Variants in AGPAT4 observed in about 807,000 individuals in gnomAD.
The protein encoded by AGPAT4 is 1-acyl-sn-glycerol-3-phosphate acyltransferase delta.
In AGPAT4, 15 loss-of-function variants were observed where a neutral mutation model predicts 48.0. The observed-to-expected ratio is 0.31, with a 90% CI of 0.21 to 0.48. AGPAT4 has a LOEUF of 0.48. Among genes scored for constraint, AGPAT4 ranks in the 20% least tolerant of loss-of-function variants. AGPAT4 has a pLI of 0.99. For missense variants in AGPAT4, 314 were observed against 482.5 expected (o/e 0.65, Z 3.27); for synonymous variants, 178 against 198.7 (o/e 0.90, Z 0.88).
chr6:161,144,286 G>A lies in AGPAT4; in HGVS notation c.843+2238C>T, dbSNP rs1779347551. ...CCAGCCCTGCACGGAGAGAGAAAGG[G>A]CCTGGACTCCAGCACCTGGCTTTGA... On this transcript the variant is annotated intron_variant, in intron 7 of 8. Coordinates refer to ENST00000320285, the MANE Select transcript of AGPAT4 (RefSeq NM_020133.3). The surrounding 1 kb of genome is among the most constrained non-coding windows in gnomAD (Gnocchi z 6.6). 8.5e-6 allele frequency: 4 copies of A among 469,080 alleles called. No individual in the cohort carries two copies. The highest frequency in any genetic ancestry group is 4.7e-5 in the South Asian group (3 of 63,328). The allele number at this position is 469,080 out of a possible 1,614,324, so 29.1% of individuals were successfully genotyped here.
In AGPAT4 at chr6:161,249,853, T is replaced by A. The variant is rs775604437; in HGVS notation, c.-89-17551A>T. On this transcript the variant is annotated intron_variant, in intron 1 of 8. Transcript: ENST00000320285. The surrounding 1 kb of genome is among the most constrained non-coding windows in gnomAD (Gnocchi z 6.2). ...TAAATCGTTCTATCATAAAGACACA[T>A]GCACGCTTATGTTCATTGCAGTACT... Among the ~76,000 whole-genome samples, 1 of 152,210 alleles carries A rather than the reference T, an allele frequency of 6.6e-6. No homozygotes were observed.
rs930617323 is a variant in AGPAT4 at position 161,214,563 on chromosome 6, C to T, written c.178+17473G>A. Among the ~76,000 whole-genome samples the T allele has an allele frequency of 3.3e-5, 5 of 152,004 alleles. No individual in the cohort carries two copies. Among genetic ancestry groups the T allele is most frequent in the Non-Finnish European group, 5.9e-5 (4 of 68,008 alleles). ...GGCGGATCAATTGAAGTCAGGAGTT[C>T]GAGACCAGCCTAGCCAACATGGTGA... is the stretch of plus-strand genomic sequence containing the variant. On this transcript the variant is annotated intron_variant, in intron 2 of 8. Coordinates refer to ENST00000320285, the MANE Select transcript of AGPAT4 (RefSeq NM_020133.3). The surrounding 1 kb of genome is among the most constrained non-coding windows in gnomAD (Gnocchi z 5.4).
Position 161,226,394 on chromosome 6 carries a change from G to A in AGPAT4, c.178+5642C>T, listed in dbSNP as rs1022241076. On this transcript the variant is annotated intron_variant, in intron 2 of 8. Coordinates refer to ENST00000320285, the MANE Select transcript of AGPAT4 (RefSeq NM_020133.3). The surrounding 1 kb of genome is among the most constrained non-coding windows in gnomAD (Gnocchi z 6.3). ...AGGGAGGAGAAGCATAGAGGAAGCC[G>A]GCTGCAGAGTTAGCAGAACAAACTG... Among the ~76,000 whole-genome samples the A allele has an allele frequency of 2.0e-5, 3 of 152,216 alleles. No individual in the cohort carries two copies. Among genetic ancestry groups the A allele is most frequent in the Admixed American group, 6.5e-5 (1 of 15,282 alleles).
At chr6:161,211,830 A>T (rs1281743488) in intron 2 of AGPAT4, among the ~76,000 whole-genome samples, 1 of 152,162 alleles carries the variant, frequency 6.6e-6, no homozygotes, top group African/African-American at 2.4e-5. Context: ...TAAATTTTAA[A>T]CACTGACAGC....
intron 1 of AGPAT4, among the ~76,000 whole-genome samples, chr6:161,256,721 A>T (rs970428919): frequency 6.6e-6 from 1 of 152,258 alleles, no homozygotes; most frequent in Non-Finnish European, 1.5e-5. Context: ...TCCCGAAAGA[A>T]ATCTGGTGGA....
In AGPAT4 at chr6:161,248,594, A is replaced by AAAAC. The variant is rs59741511; in HGVS notation, c.-89-16293_-89-16292insGTTT. On this transcript the variant is annotated intron_variant, in intron 1 of 8. Coordinates refer to ENST00000320285, the MANE Select transcript of AGPAT4 (RefSeq NM_020133.3). ...CTCAAAAAAAAAAAAAAAAAAAAAA[A>AAAAC]CTAGGAATACAGCTAACCAGGGAAG... Among the ~76,000 whole-genome samples, 62 of 138,600 alleles carry AAAAC rather than the reference A, an allele frequency of 4.5e-4. 2 individuals carry two copies. Among genetic ancestry groups the AAAAC allele is most frequent in the African/African-American group, 1.6e-3 (54 of 34,300 alleles). The allele number at this position is 138,600 out of a possible 152,430, so 90.9% of individuals were successfully genotyped here.
Position 161,261,367 on chromosome 6 carries a change from A to ACGAAGCAGG in AGPAT4, c.-90+12562_-90+12570dup, listed in dbSNP as rs1313236485. Among the ~76,000 whole-genome samples the ACGAAGCAGG allele has an allele frequency of 2.0e-5, 3 of 152,322 alleles. No individual in the cohort carries two copies. Among genetic ancestry groups the ACGAAGCAGG allele is most frequent in the Non-Finnish European group, 2.9e-5 (2 of 68,020 alleles). On this transcript the variant is annotated intron_variant, in intron 1 of 8. Transcript: ENST00000320285. The surrounding 1 kb of genome is among the most constrained non-coding windows in gnomAD (Gnocchi z 5.3). The stretch of plus-strand genomic sequence containing the variant: ...CCTTCGTGTGTATATCTGCCATCCC[A>ACGAAGCAGG]CGAAGCAGGCTTCCTCAGGAGCTGA...
chr6:161,156,830 C>T (rs192811858), intron 3 of AGPAT4, among the ~76,000 whole-genome samples: 1 of 152,388 alleles, frequency 6.6e-6, no homozygotes, highest in African/African-American at 2.4e-5. Flanking sequence ...TGTTCTTAAA[C>T]CACAAACAAT....
Position 161,143,592 on chromosome 6 carries a change from CCTGGGAACTG to C in AGPAT4, c.843+2922_843+2931del, listed in dbSNP as rs1779326219. 1.3e-5 allele frequency among the ~76,000 whole-genome samples: 2 copies of C among 152,170 alleles called. No individual in the cohort carries two copies. On this transcript the variant is annotated intron_variant, in intron 7 of 8. Transcript: ENST00000320285. The surrounding 1 kb of genome is among the most constrained non-coding windows in gnomAD (Gnocchi z 4.7). ...TAGGTTCAGCCTCAGAGCGAGTTTA[CCTGGGAACTG>C]CTTTTGTCCACAGAAGATCACACAA...
intron 2 of AGPAT4, among the ~76,000 whole-genome samples, chr6:161,203,598 G>A (rs796441225): frequency 1.1e-4 from 17 of 151,936 alleles, no homozygotes; most frequent in East Asian, 7.8e-4. Context: ...GGGTTTCACC[G>A]TGTTGACCAG....
intron 5 of AGPAT4, among the ~76,000 whole-genome samples, 180 bp downstream of exon 5, chr6:161,153,166 G>A (rs1273847716): frequency 6.6e-6 from 1 of 152,246 alleles, no homozygotes; most frequent in Non-Finnish European, 1.5e-5. Context: ...CCAGCCAGGG[G>A]TGCAAATGCC....
chr6:161,177,018 G>A lies in AGPAT4; in HGVS notation c.179-10601C>T, dbSNP rs1362326264. On this transcript the variant is annotated intron_variant, in intron 2 of 8. Coordinates refer to ENST00000320285, the MANE Select transcript of AGPAT4 (RefSeq NM_020133.3). The surrounding 1 kb of genome is among the most constrained non-coding windows in gnomAD (Gnocchi z 5.0). ...GCTTCTGCCGAGAGATCTGCTGTTAGTCTGATGGGCTTCCTTTTGTGGGTA... is the reference window on the plus strand; with the variant it reads ...GCTTCTGCCGAGAGATCTGCTGTTAATCTGATGGGCTTCCTTTTGTGGGTA... Among the ~76,000 whole-genome samples, 1 of 152,104 alleles carries A rather than the reference G, an allele frequency of 6.6e-6. No homozygotes were observed. The highest frequency in any genetic ancestry group is 1.5e-5 in the Non-Finnish European group (1 of 68,022).
In AGPAT4 at chr6:161,143,099, G is replaced by T. The variant is rs1185018597; in HGVS notation, c.843+3425C>A. ...TCACTTATTTCTCTTTAGAGACAGGGTCTTGCTCTGCTGCCCAGGCTGGAG... is the reference window on the plus strand; with the variant it reads ...TCACTTATTTCTCTTTAGAGACAGGTTCTTGCTCTGCTGCCCAGGCTGGAG... On this transcript the variant is annotated intron_variant, in intron 7 of 8. Transcript: ENST00000320285. This position sits in a 1 kb window ranked among gnomAD's most constrained non-coding sequence, Gnocchi z 4.7. Among the ~76,000 whole-genome samples the T allele has an allele frequency of 6.6e-6, 1 of 152,184 alleles. No homozygotes were observed. Among genetic ancestry groups the T allele is most frequent in the East Asian group, 1.9e-4 (1 of 5,186 alleles).
At chr6:161,199,364 T>C (rs984921332) in intron 2 of AGPAT4, among the ~76,000 whole-genome samples, 2 of 152,216 alleles carry the variant, frequency 1.3e-5, no homozygotes, top group East Asian at 3.8e-4. Flanking sequence ...GTCAGTTTTA[T>C]AAGTCTACTG....
chr6:161,253,722 T>C (rs1279228035), intron 1 of AGPAT4, among the ~76,000 whole-genome samples: 1 of 152,228 alleles, frequency 6.6e-6, no homozygotes, highest in African/African-American at 2.4e-5. Flanking sequence ...TTAACATATG[T>C]ATTCACAAAC....
At chr6:161,160,162 A>G (rs962514148) in intron 3 of AGPAT4, 3 of 121,220 alleles carry the variant, frequency 2.5e-5, no homozygotes, top group African/African-American at 1.0e-4. Context: ...AGGTTTCAAC[A>G]TGTTGGCCAG....
In AGPAT4 at chr6:161,172,486, A is replaced by G. The variant is rs79472244; in HGVS notation, c.179-6069T>C. Among the ~76,000 whole-genome samples the G allele has an allele frequency of 7.2e-3, 1,099 of 152,314 alleles. 14 individuals carry two copies. The highest frequency in any genetic ancestry group is 0.025 in the African/African-American group (1,054 of 41,568). ...AATCCCAGAGAGCCAGGGGCACCAA[A>G]GAAGCCTGTCCCTAGCCAGGACGGC... On this transcript the variant is annotated intron_variant, in intron 2 of 8. Transcript: ENST00000320285.
At chr6:161,160,104 A>ATTTTTTTTTTTTTTTTTTTTTTTTTT (rs5881394) in intron 3 of AGPAT4, 1 of 74,008 alleles carries the variant, frequency 1.4e-5, no homozygotes, top group Non-Finnish European at 2.4e-5. Flanking sequence ...CACCCAGCTA[A>ATTTTTTTTTTTTTTTTTTTTTTTTTT]TTTTTTTTTT....
rs555740728 is a variant in AGPAT4 at position 161,177,200 on chromosome 6, T to G, written c.179-10783A>C. ...TTGAATGTTGGCCTGCCTTGATAGG[T>G]TGGGGAAGTTATCCTGGATAATATC... is the stretch of plus-strand genomic sequence containing the variant. On this transcript the variant is annotated intron_variant, in intron 2 of 8. Transcript: ENST00000320285. The surrounding 1 kb of genome is among the most constrained non-coding windows in gnomAD (Gnocchi z 5.0). Among the ~76,000 whole-genome samples the G allele has an allele frequency of 4.0e-4, 61 of 152,344 alleles. No individual in the cohort carries two copies. The highest frequency in any genetic ancestry group is 1.1e-3 in the African/African-American group (47 of 41,584).
Sources: allele counts gnomAD v4.1 joint callset (sites outside exome capture counted in the v4.1 genomes callset), GRCh38; gene constraint gnomAD v4.1.1; non-coding constraint Gnocchi (gnomAD v3.1); transcripts MANE v1.5; gene names NCBI Gene and HGNC (gene_info 2026-07-23, HGNC 2026-07-21).